The following DTX2 variants were observed in gnomAD, a reference collection of about 807,000 sequenced individuals.
DTX2 encodes the protein probable E3 ubiquitin-protein ligase DTX2.
In DTX2, 29 loss-of-function variants were observed where a neutral mutation model predicts 55.3. The ratio of observed to expected loss-of-function variants is 0.52; its 90% CI spans 0.39 to 0.71. The LOEUF is 0.71. Among genes scored for constraint, DTX2 ranks in the 30% least tolerant of loss-of-function variants. The pLI is 0.00. For synonymous variants in DTX2, 276 were observed against 340.4 expected, an observed-to-expected ratio of 0.81 and a Z score of 2.08; for missense variants, 537 against 822.5, an observed-to-expected ratio of 0.65 and a Z score of 4.25.
intron 6 of DTX2, 144 bp from the exon 7 acceptor site, chr7:76,500,297 C>G: frequency 7.1e-6 from 3 of 421,850 alleles, no homozygotes; most frequent in Non-Finnish European, 1.3e-5. Context: ...CTGAGCTCTC[C>G]CGTCCCGCAC....
intron 2 of DTX2, among the ~76,000 whole-genome samples, chr7:76,469,272 G>C (rs1418097655): frequency 2.0e-5 from 3 of 147,384 alleles, no homozygotes; most frequent in African/African-American, 7.6e-5. Flanking sequence ...TTGCAGTTTA[G>C]CTGGTGTTGC....
chr7:76,503,635 C>G (rs1029017474), intron 9 of DTX2, 48 bp downstream of exon 9: 6 of 1,515,154 alleles, frequency 4.0e-6, no homozygotes, highest in East Asian at 2.3e-5. Context: ...CCTCTTCCCA[C>G]CCCGCCCACA....
chr7:76,482,454 C>G (rs1584181847), intron 3 of DTX2, 54 bp from the exon 4 acceptor site: 1 of 1,518,178 alleles, frequency 6.6e-7, no homozygotes, highest in East Asian at 2.3e-5. Flanking sequence ...TTTGAACGTT[C>G]CCTGTATCTT....
chr7:76,477,281 T>C (rs1808654561), intron 2 of DTX2: 1 of 145,944 alleles, frequency 6.9e-6, no homozygotes, highest in South Asian at 2.2e-4. Context: ...TCGGAGTTGT[T>C]GCAGGCCTGA....
At chr7:76,503,179 C>T (rs542387011) in intron 8 of DTX2, among the ~76,000 whole-genome samples, 3 of 152,222 alleles carry the variant, frequency 2.0e-5, no homozygotes, top group Non-Finnish European at 2.9e-5. Context: ...GCTCAGGATC[C>T]GAGTTTTCCC....
At chr7:76,493,667 C>T (rs1352926776) in intron 5 of DTX2, among the ~76,000 whole-genome samples, 3 of 110,846 alleles carry the variant, frequency 2.7e-5, no homozygotes, top group African/African-American at 7.3e-5. Context: ...TGAGAGGGGA[C>T]AGGCCTGGAG....
rs1211159826 is a variant in DTX2, at chr7:76,505,564, C to T, written c.1832C>T (p.Ala611Val). The T allele has an allele frequency of 6.3e-7, 1 of 1,598,702 alleles. No individual in the cohort carries two copies. The highest frequency in any genetic ancestry group is 8.5e-7 in the Non-Finnish European group (1 of 1,174,532). ...YLQNVLAELA[A>V]QGVTEDCLEQ... ...CAGAACGTGCTGGCTGAGCTGGCTG[C>T]CCAGGGGGTGACCGAGGACTGCCTG... The change falls in exon 11 of 11, where the codon GCC becomes GTC. Residue 611 changes from alanine to valine, a missense_variant. By Grantham distance (64) the Ala-to-Val change is moderately conservative. This residue lies in a region of DTX2 where 59 missense variants were observed against 54.1 expected (regional missense o/e 1.09). Coordinates refer to ENST00000430490, the MANE Select transcript of DTX2 (RefSeq NM_001102594.3). The surrounding 1 kb of genome is among the most constrained non-coding windows in gnomAD (Gnocchi z 4.4).
rs565163871 is a variant in DTX2, at chr7:76,483,605, ATG to A, written c.908+461_908+462del. ...TCAGCGCGGTGTGAGGGAGGGCAGAATGTGGAGCACGTGGCAGTGGCTGCAGG... is the reference window on the plus strand; with the variant it reads ...TCAGCGCGGTGTGAGGGAGGGCAGAATGGAGCACGTGGCAGTGGCTGCAGG... On this transcript the variant is annotated intron_variant, in intron 4 of 10. Coordinates refer to ENST00000430490, the MANE Select transcript of DTX2 (RefSeq NM_001102594.3). Among the ~76,000 whole-genome samples the A allele has an allele frequency of 2.3e-4, 34 of 150,088 alleles. No homozygotes were observed. The South Asian group carries it at 6.9e-3, about 31-fold the overall frequency.
At position 76,494,395 on chromosome 7, in the gene DTX2, G is replaced by A. The variant is rs1422352307; in HGVS notation, c.1009+2142G>A. On this transcript the variant is annotated intron_variant, in intron 5 of 10. Coordinates refer to ENST00000430490, the MANE Select transcript of DTX2 (RefSeq NM_001102594.3). ...CCGTGTGTGCATGTGCGGCCGTGGT[G>A]GCATTGGAGACAGGTTGTGGGTAAA... 2.3e-5 allele frequency among the ~76,000 whole-genome samples: 2 copies of A among 88,028 alleles called. 1 individual carries two copies. The highest frequency in any genetic ancestry group is 4.8e-5 in the Non-Finnish European group (2 of 41,502). 57.7% of individuals were successfully genotyped at this position (88,028 alleles called of 152,430 possible). A position where few individuals can be genotyped will look rare whatever the true frequency, so the allele number is the denominator to read the frequency against.
intron 7 of DTX2, chr7:76,502,032 A>G (rs1230877096): frequency 8.9e-5 from 42 of 471,744 alleles, no homozygotes; most frequent in Non-Finnish European, 1.3e-4. Context: ...GATTATAGGC[A>G]CCTGCCAACA....
chr7:76,466,890 G>A (rs1397131247), intron 2 of DTX2, among the ~76,000 whole-genome samples: 1 of 151,802 alleles, frequency 6.6e-6, no homozygotes. Context: ...GAGGCACCGC[G>A]CCTGGCCTAT....
chr7:76,469,004 A>G (rs1807535556), intron 2 of DTX2, among the ~76,000 whole-genome samples: 1 of 114,878 alleles, frequency 8.7e-6, no homozygotes, highest in African/African-American at 3.4e-5. Flanking sequence ...GCCTCAAATG[A>G]TCCACCCACC....
intron 2 of DTX2, among the ~76,000 whole-genome samples, chr7:76,466,799 T>C (rs1807237342): frequency 6.6e-6 from 1 of 152,252 alleles, no homozygotes; most frequent in Admixed American, 6.5e-5. Flanking sequence ...AGTTTCTCCA[T>C]GTTAGTCAGA....
chr7:76,494,896 G>T (rs1465787730), intron 5 of DTX2, among the ~76,000 whole-genome samples: 3 of 109,246 alleles, frequency 2.7e-5, no homozygotes, highest in African/African-American at 1.1e-4. Context: ...TGTCACCCTG[G>T]TGTGCTTGTG....
chr7:76,478,949 T>A (rs1223013952), intron 2 of DTX2: 1 of 135,404 alleles, frequency 7.4e-6, no homozygotes, highest in African/African-American at 3.0e-5. Context: ...ACATTCACTC[T>A]GTCATTCTGA....
intron 7 of DTX2, 86 bp downstream of exon 7, chr7:76,500,606 GGGTGCTTCCCA>G (rs1466863493): frequency 2.0e-6 from 1 of 505,692 alleles, no homozygotes; most frequent in African/African-American, 2.1e-5. Flanking sequence ...CTTGCTTGAA[GGGTGCTTCCCA>G]GGTGCCTCTG....
At position 76,465,256 on chromosome 7, in the gene DTX2, C is replaced by T. The variant is rs572320128; in HGVS notation, c.-90+1547C>T. Among the ~76,000 whole-genome samples, 15 of 145,328 alleles carry T rather than the reference C, an allele frequency of 1.0e-4. No individual in the cohort carries two copies. The South Asian group carries it at 2.8e-3, about 28-fold the overall frequency. On this transcript the variant is annotated intron_variant, in intron 2 of 10. Coordinates refer to ENST00000430490, the MANE Select transcript of DTX2 (RefSeq NM_001102594.3). ...AGAGTCATGGGGGTGGGGACAGACA[C>T]GCTGATGCACATGGGAGTAGTGGAT...
chr7:76,494,751 G>T (rs1479409554), intron 5 of DTX2, among the ~76,000 whole-genome samples: 2 of 126,306 alleles, frequency 1.6e-5, no homozygotes, highest in Non-Finnish European at 3.4e-5. Flanking sequence ...AGGAGAGCCT[G>T]GAGGCTGTGT....
chr7:76,468,447 CATTT>C (rs1276233385), intron 2 of DTX2, among the ~76,000 whole-genome samples: 2,923 of 77,410 alleles, frequency 0.038, 32 homozygotes, highest in Middle Eastern at 0.062. Flanking sequence ...GGCCCACTGC[CATTT>C]TTTTTTTTTT....
Sources: gnomAD v4.1 joint callset for allele counts (sites outside exome capture counted in the v4.1 genomes callset) on GRCh38, gnomAD v4.1.1 for gene constraint, gnomAD v4.1.1 regional missense constraint, Gnocchi (gnomAD v3.1) non-coding constraint, MANE v1.5 for transcripts, NCBI Gene and HGNC (gene_info 2026-07-23, HGNC 2026-07-21) for gene names.